JAM3: variants seen among roughly 807,000 people sequenced by gnomAD.
JAM3 encodes the protein junctional adhesion molecule C.
Under a neutral mutation model 39.4 loss-of-function variants are expected in JAM3, and 31 were observed. The ratio of observed to expected loss-of-function variants is 0.79; its 90% confidence interval spans 0.59 to 1.06. JAM3 has a LOEUF of 1.06. JAM3 is among the 50% of genes least tolerant of loss of function. The pLI is 0.00. For synonymous variants in JAM3, 182 were observed against 148.7 expected (o/e 1.22, Z -1.63); for missense variants, 455 against 391.4 (o/e 1.16, Z -1.37).
chr11:134,120,039 C>T (rs974967357), intron 1 of JAM3, among the ~76,000 whole-genome samples: 5 of 151,792 alleles, frequency 3.3e-5, no homozygotes, highest in African/African-American at 1.2e-4. Context: ...TTTATCCACC[C>T]CCACCTCCCA....
At chr11:134,099,996 G>A (rs571728814) in intron 1 of JAM3, among the ~76,000 whole-genome samples, 15 of 152,170 alleles carry the variant, frequency 9.9e-5, no homozygotes, top group Admixed American at 2.0e-4. Context: ...TTAAGTCAAT[G>A]TGTGCTATTT....
chr11:134,126,879 A>G (rs925574276), intron 1 of JAM3, among the ~76,000 whole-genome samples: 5 of 152,244 alleles, frequency 3.3e-5, no homozygotes, highest in African/African-American at 1.2e-4. Flanking sequence ...AAGGATAATA[A>G]TAACTTCTCC....
chr11:134,121,442 TCCTG>T (rs1942530343), intron 1 of JAM3, among the ~76,000 whole-genome samples: 1 of 151,390 alleles, frequency 6.6e-6, no homozygotes, highest in East Asian at 1.9e-4. Context: ...TCATTTCCTC[TCCTG>T]CCTTATCATT....
chr11:134,076,833 C>CTTTTTTTTTTTTTTTTTTT, intron 1 of JAM3, among the ~76,000 whole-genome samples: 1 of 118,532 alleles, frequency 8.4e-6, no homozygotes, highest in African/African-American at 3.4e-5. Flanking sequence ...ACATCTATTG[C>CTTTTTTTTTTTTTTTTTTT]TTTTTTTTTT....
At position 134,150,522 on chromosome 11, in the gene JAM3, G is replaced by C. The variant is rs1363529442; in HGVS notation, c.*1341G>C. 2 of 152,246 alleles carry C rather than the reference G, an allele frequency of 1.3e-5. No homozygotes were observed. Among genetic ancestry groups the C allele is most frequent in the African/African-American group, 2.4e-5 (1 of 41,466 alleles). The allele number at this position is 152,246 out of a possible 1,614,324, so 9.4% of individuals were successfully genotyped here. ...CGTGGCCCTTGCTTCATCCAGCACA[G>C]CTCTCAGGTGGGCACTGCAGGGACA... On this transcript the variant is annotated 3_prime_UTR_variant, in exon 9 of 9. Transcript: ENST00000299106.
intron 1 of JAM3, among the ~76,000 whole-genome samples, chr11:134,082,298 G>C (rs1941679177): frequency 6.6e-6 from 1 of 152,250 alleles, no homozygotes; most frequent in Non-Finnish European, 1.5e-5. Context: ...GGACTTTTGA[G>C]TTAATGCTGA....
intron 1 of JAM3, among the ~76,000 whole-genome samples, chr11:134,137,604 T>A (rs867817580): frequency 5.9e-5 from 9 of 152,156 alleles, no homozygotes; most frequent in African/African-American, 2.2e-4. Flanking sequence ...GTCGAAGTCA[T>A]GGTGCTCATA....
At chr11:134,122,381 C>T (rs1382081159) in intron 1 of JAM3, among the ~76,000 whole-genome samples, 2 of 152,174 alleles carry the variant, frequency 1.3e-5, no homozygotes, top group African/African-American at 2.4e-5. Context: ...GCAAGAGCCC[C>T]TGATGGTACC....
In JAM3 at chr11:134,139,908, A is replaced by C. The variant is rs762809390; in HGVS notation, c.134A>C (p.Glu45Ala). ...AGCAATCGAACCCCAGTGGTACAGGAATTTGAAAGTAAGTACAAACGAAAT... is the reference window on the plus strand; with the variant it reads ...AGCAATCGAACCCCAGTGGTACAGGCATTTGAAAGTAAGTACAAACGAAAT... ...KSSNRTPVVQ[E>A]FESVELSCII... The change falls in exon 2 of 9, where the codon GAA becomes GCA. Residue 45 changes from glutamate to alanine, a missense_variant. Glu to Ala is a moderately radical substitution (Grantham distance 107). Coordinates refer to ENST00000299106, the MANE Select transcript of JAM3 (RefSeq NM_032801.5). The C allele has an allele frequency of 2.5e-6, 4 of 1,613,260 alleles. No homozygotes were observed. The highest frequency in any genetic ancestry group is 3.4e-6 in the Non-Finnish European group (4 of 1,179,198).
intron 1 of JAM3, among the ~76,000 whole-genome samples, chr11:134,080,448 A>T (rs887328850): frequency 1.3e-5 from 2 of 152,074 alleles, no homozygotes; most frequent in African/African-American, 4.8e-5. Flanking sequence ...TGTGGGAGGG[A>T]CCCAGTGGGA....
At chr11:134,113,416 C>G (rs1182503290) in intron 1 of JAM3, among the ~76,000 whole-genome samples, 1 of 152,128 alleles carries the variant, frequency 6.6e-6, no homozygotes. Flanking sequence ...TTGTTCAATT[C>G]CCACCTCTGA....
chr11:134,094,284 G>A (rs1198377570), intron 1 of JAM3, among the ~76,000 whole-genome samples: 1 of 126,650 alleles, frequency 7.9e-6, no homozygotes. Context: ...CTTCCTGAGG[G>A]AAGCTTCTCC....
intron 1 of JAM3, among the ~76,000 whole-genome samples, chr11:134,115,267 T>C (rs1323259250): frequency 6.6e-6 from 1 of 151,592 alleles, no homozygotes; most frequent in African/African-American, 2.4e-5. Flanking sequence ...GCTTTGTATC[T>C]TTATATTTAA....
rs1343031417 is a variant in JAM3, at chr11:134,148,614, G to A, written c.780G>A (p.Thr260=). ...TCCTTGCTGTACTGGCCCTGATCAC[G>A]TTGGGCATCTGCTGTGCATACAGAC... is the stretch of plus-strand genomic sequence containing the variant. ...LVVLAVLALI[T]LGICCAYRRG... Residue 260 remains threonine (T), a synonymous_variant, in exon 7 of 9, where the codon ACG becomes ACA. Transcript: ENST00000299106. 2.5e-6 allele frequency: 4 copies of A among 1,614,090 alleles called. No individual in the cohort carries two copies. The highest frequency in any genetic ancestry group is 3.4e-6 in the Non-Finnish European group (4 of 1,179,994).
chr11:134,130,119 A>T (rs1942740697), intron 1 of JAM3, among the ~76,000 whole-genome samples: 1 of 152,216 alleles, frequency 6.6e-6, no homozygotes, highest in African/African-American at 2.4e-5. Context: ...TCTGTCCTGG[A>T]TTAAGCTACC....
chr11:134,133,038 G>C (rs1942797624), intron 1 of JAM3, among the ~76,000 whole-genome samples: 1 of 152,174 alleles, frequency 6.6e-6, no homozygotes, highest in African/African-American at 2.4e-5. Flanking sequence ...AAGAAGAGTT[G>C]ATTTTCAGGT....
rs1942576078 is a variant in JAM3 at position 134,123,437 on chromosome 11, A to G, written c.77-16414A>G. On this transcript the variant is annotated intron_variant, in intron 1 of 8. Transcript: ENST00000299106. ...CCACAGGGAGATCTATGTGCCAAGC[A>G]TAATGAAGAGTGTGCTCCCCAGACA... 2.0e-5 allele frequency among the ~76,000 whole-genome samples: 3 copies of G among 152,296 alleles called. No homozygotes were observed. In the East Asian group the frequency reaches 5.8e-4, roughly 29 times the overall value.
rs561880718 is a variant in JAM3 at position 134,146,561 on chromosome 11, TC to T, written c.712+517del. Among the ~76,000 whole-genome samples, 34 of 151,722 alleles carry T rather than the reference TC, an allele frequency of 2.2e-4. No individual in the cohort carries two copies. The South Asian group carries it at 4.4e-3, about 19-fold the overall frequency. On this transcript the variant is annotated intron_variant, in intron 6 of 8. Coordinates refer to ENST00000299106, the MANE Select transcript of JAM3 (RefSeq NM_032801.5). The stretch of plus-strand genomic sequence containing the variant: ...AAATCACTTGGGGAGCTTTTTTTTT[TC>T]TTAAAAAACAAAAAACAAAAAACAC...
At chr11:134,079,815 T>A (rs1245302601) in intron 1 of JAM3, among the ~76,000 whole-genome samples, 1 of 152,232 alleles carries the variant, frequency 6.6e-6, no homozygotes, top group South Asian at 2.1e-4. Context: ...TTCATATTTG[T>A]TAATTATAAT....
Sources: allele counts gnomAD v4.1 joint callset (sites outside exome capture counted in the v4.1 genomes callset), GRCh38; gene constraint gnomAD v4.1.1; transcripts MANE v1.5; gene names NCBI Gene and HGNC (gene_info 2026-07-23, HGNC 2026-07-21).